The following GLYR1 variants were observed in gnomAD, a reference collection of about 807,000 sequenced individuals.
The protein encoded by GLYR1 is glyoxylate reductase 1 homolog, also known as cytokine-like nuclear factor N-PAC.
Under a neutral mutation model 72.7 loss-of-function variants are expected in GLYR1, and 21 were observed. That is an observed-to-expected ratio of 0.29 (90% CI 0.20 to 0.42). The LOEUF (loss-of-function observed/expected upper bound fraction) is 0.42, where lower values mean the gene tolerates loss of function less well. GLYR1 is among the 10% of genes least tolerant of loss of function. GLYR1 has a pLI of 1.00. For missense variants in GLYR1, 594 were observed against 712.1 expected (o/e 0.83, Z 1.89); for synonymous variants, 392 against 270.2 (o/e 1.45, Z -4.42).
In GLYR1 at chr16:4,827,095, C is replaced by T. The variant is rs912866307; in HGVS notation, c.538-3188G>A. 3.3e-5 allele frequency among the ~76,000 whole-genome samples: 5 copies of T among 152,342 alleles called. 1 individual carries two copies. In the South Asian group the frequency reaches 8.3e-4, roughly 25 times the overall value. ...TGCAGCTCTTACATGCAGGTCCAGA[C>T]GCAAACCCAGCCTTTCCCTGCCTGC... On this transcript the variant is annotated intron_variant, in intron 5 of 15. Transcript: ENST00000321919.
At position 4,846,139 on chromosome 16, in the gene GLYR1, C is replaced by T. The variant is rs748061616; in HGVS notation, c.75+35G>A. The stretch of plus-strand genomic sequence containing the variant: ...ACATTCTCCACCTCTTCAAACCCAA[C>T]TTCAGATCTCTTCCTTTAGTAGCAA... On this transcript the variant is annotated intron_variant, in intron 2 of 15. Coordinates refer to ENST00000321919, the MANE Select transcript of GLYR1 (RefSeq NM_032569.4). 4.3e-6 allele frequency: 7 copies of T among 1,612,422 alleles called. No homozygotes were observed. The South Asian group carries it at 4.4e-5, about 10-fold the overall frequency.
At position 4,832,175 on chromosome 16, in the gene GLYR1, C is replaced by T. The variant is rs768927894; in HGVS notation, c.341G>A (p.Ser114Asn). 6 of 1,614,036 alleles carry T rather than the reference C, an allele frequency of 3.7e-6. No homozygotes were observed. The highest frequency in any genetic ancestry group is 1.6e-4 in the Middle Eastern group (1 of 6,084). Residue 114 changes from serine (S) to asparagine (N), a missense_variant, in exon 5 of 16, where the codon AGT (serine) becomes AAT (asparagine). By Grantham distance (46) the Ser-to-Asn change is conservative (BLOSUM62 1). Coordinates refer to ENST00000321919, the MANE Select transcript of GLYR1 (RefSeq NM_032569.4). ...SSDDKNRRNS[S>N]EERSRPNSGD... ...TGAGTTTGGCCTACTTCTCTCCTCA[C>T]TGGAATTACGTCGATTCTTGTCATC...
At chr16:4,836,097 C>G (rs887803375) in intron 3 of GLYR1, among the ~76,000 whole-genome samples, 1 of 152,162 alleles carries the variant, frequency 6.6e-6, no homozygotes, top group Non-Finnish European at 1.5e-5. Flanking sequence ...CTGCAACTGG[C>G]CTACCTCTGT....
intron 5 of GLYR1, 103 bp from the exon 6 acceptor site, chr16:4,824,010 ACT>A: frequency 1.2e-6 from 1 of 845,168 alleles, no homozygotes; most frequent in Non-Finnish European, 1.9e-6. Context: ...ATCCCCAACC[ACT>A]GTTCTGATGA....
chr16:4,825,325 T>G (rs1453354025), intron 5 of GLYR1, among the ~76,000 whole-genome samples: 2 of 152,202 alleles, frequency 1.3e-5, no homozygotes, highest in South Asian at 2.1e-4. Flanking sequence ...GCTCTCTAGC[T>G]CGTTAGCACC....
Position 4,805,169 on chromosome 16 carries a change from C to T in GLYR1, c.*67G>A. 1 of 1,386,990 alleles carries T rather than the reference C, an allele frequency of 7.2e-7. No individual in the cohort carries two copies. Among genetic ancestry groups the T allele is most frequent in the Middle Eastern group, 1.8e-4 (1 of 5,644 alleles). The allele number at this position is 1,386,990 out of a possible 1,614,324, so 85.9% of individuals were successfully genotyped here. The stretch of plus-strand genomic sequence containing the variant: ...TGGTCCAGAATGAACTCCCAGGCCC[C>T]CGACCCCATGTGAGGAAGAGGGGGT... On this transcript the variant is annotated 3_prime_UTR_variant, in exon 16 of 16. Coordinates refer to ENST00000321919, the MANE Select transcript of GLYR1 (RefSeq NM_032569.4).
chr16:4,822,115 C>T (rs1392878960), intron 7 of GLYR1, among the ~76,000 whole-genome samples: 1 of 107,358 alleles, frequency 9.3e-6, no homozygotes, highest in Non-Finnish European at 2.0e-5. Context: ...GAGATAGAGT[C>T]TCGCTCTGTC....
chr16:4,807,071 G>C (rs1256684800), intron 15 of GLYR1, among the ~76,000 whole-genome samples: 3 of 147,158 alleles, frequency 2.0e-5, no homozygotes, highest in East Asian at 4.1e-4. Flanking sequence ...CTCCCAAAGT[G>C]CTGGGATTAC....
At position 4,812,066 on chromosome 16, in the gene GLYR1, G is replaced by A; in HGVS notation, c.1282+20C>T. The A allele has an allele frequency of 6.2e-7, 1 of 1,608,232 alleles. No homozygotes were observed. Among genetic ancestry groups the A allele is most frequent in the Non-Finnish European group, 8.5e-7 (1 of 1,177,552 alleles). ...AGATGTGGCCCCAGGCTCCAGGCCT[G>A]ACAGGTGCAGGCGTGTTACCTAGGA... is the stretch of plus-strand genomic sequence containing the variant. On this transcript the variant is annotated intron_variant, in intron 13 of 15. Transcript: ENST00000321919.
At chr16:4,812,063 C>A in intron 13 of GLYR1, 23 bp downstream of exon 13, 1 of 1,606,628 alleles carries the variant, frequency 6.2e-7, no homozygotes, top group Non-Finnish European at 8.5e-7. Flanking sequence ...AGGCTCCAGG[C>A]CTGACAGGTG....
At chr16:4,813,933 G>C in intron 11 of GLYR1, 95 bp from the exon 12 acceptor site, 1 of 925,946 alleles carries the variant, frequency 1.1e-6, no homozygotes, top group Non-Finnish European at 1.6e-6. Flanking sequence ...TGCTGTTTTG[G>C]CTCATTTCCT....
Position 4,838,402 on chromosome 16 carries a change from C to G in GLYR1, c.156-5490G>C, listed in dbSNP as rs146603576. The stretch of plus-strand genomic sequence containing the variant: ...CCAGAAAGATGACCCTGTGCACTTC[C>G]TGAAAGGGCTGCTGTGAGGACTGGA... On this transcript the variant is annotated intron_variant, in intron 3 of 15. Coordinates refer to ENST00000321919, the MANE Select transcript of GLYR1 (RefSeq NM_032569.4). 3.7e-4 allele frequency among the ~76,000 whole-genome samples: 56 copies of G among 152,258 alleles called. No homozygotes were observed. In the East Asian group the frequency reaches 0.01, roughly 28 times the overall value.
chr16:4,841,112 T>C (rs2085513432), intron 3 of GLYR1, among the ~76,000 whole-genome samples: 1 of 152,148 alleles, frequency 6.6e-6, no homozygotes, highest in African/African-American at 2.4e-5. Context: ...ATCCCACTTG[T>C]TTACAACCCT....
At chr16:4,837,725 AG>A (rs2085242500) in intron 3 of GLYR1, among the ~76,000 whole-genome samples, 1 of 151,994 alleles carries the variant, frequency 6.6e-6, no homozygotes, top group Admixed American at 6.6e-5. Flanking sequence ...CGAGGTCAAG[AG>A]ATTGAGACCA....
rs892634900 is a variant in GLYR1 at position 4,845,268 on chromosome 16, T to C, written c.76-115A>G. The C allele has an allele frequency of 5.8e-6, 4 of 690,018 alleles. No homozygotes were observed. The African/African-American group carries it at 7.3e-5, about 13-fold the overall frequency. 42.7% of individuals were successfully genotyped at this position (690,018 alleles called of 1,614,324 possible). On this transcript the variant is annotated intron_variant, in intron 2 of 15. Transcript: ENST00000321919. Reference sequence around the variant, plus strand: ...TAAGAAAAAAGTAAATTAAAAGGACTTACTTACAAATAAATTTATTTATAT... The same window carrying C: ...TAAGAAAAAAGTAAATTAAAAGGACCTACTTACAAATAAATTTATTTATAT...
chr16:4,835,067 C>G (rs2085045993), intron 3 of GLYR1, among the ~76,000 whole-genome samples: 1 of 152,124 alleles, frequency 6.6e-6, no homozygotes, highest in Admixed American at 6.6e-5. Context: ...TTCCTAGGAG[C>G]TTCTGGTCAG....
intron 11 of GLYR1, 144 bp downstream of exon 11, chr16:4,814,393 T>G (rs2083496927): frequency 1.6e-5 from 11 of 675,688 alleles, no homozygotes; most frequent in Non-Finnish European, 3.0e-5. Context: ...GCAAACACCC[T>G]TCACAATGGG....
At chr16:4,826,836 T>G (rs1376578406) in intron 5 of GLYR1, among the ~76,000 whole-genome samples, 3 of 152,208 alleles carry the variant, frequency 2.0e-5, no homozygotes, top group Non-Finnish European at 2.9e-5. Context: ...ACAGCTGTCT[T>G]GGGTGGTGCA....
Position 4,805,222 on chromosome 16 carries a change from G to A in GLYR1, c.*14C>T, listed in dbSNP as rs760023609. On this transcript the variant is annotated 3_prime_UTR_variant, in exon 16 of 16. Transcript: ENST00000321919. The stretch of plus-strand genomic sequence containing the variant: ...GAGGGGGGATTGGAGGGGTGAGGGC[G>A]GGGTGTCGACAGCTTAGTGTATGTA... 13 of 1,612,328 alleles carry A rather than the reference G, an allele frequency of 8.1e-6. No individual in the cohort carries two copies. Among genetic ancestry groups the A allele is most frequent in the South Asian group, 5.5e-5 (5 of 90,838 alleles).
Sources: allele counts gnomAD v4.1 joint callset (sites outside exome capture counted in the v4.1 genomes callset), GRCh38; gene constraint gnomAD v4.1.1; transcripts MANE v1.5; gene names NCBI Gene and HGNC (gene_info 2026-07-23, HGNC 2026-07-21).